Variants in CTNNA2 observed in about 807,000 individuals in gnomAD.
CTNNA2 encodes catenin alpha 2.
A neutral mutation model predicts 101.0 loss-of-function variants in CTNNA2; 42 were observed. The ratio of observed to expected loss-of-function variants is 0.42; its 90% CI spans 0.32 to 0.54. The LOEUF (loss-of-function observed/expected upper bound fraction) is 0.54. Among genes scored for constraint, CTNNA2 ranks in the 20% least tolerant of loss-of-function variants. The pLI, the probability that CTNNA2 is intolerant of heterozygous loss-of-function variation, is 0.14. For synonymous variants in CTNNA2, 450 were observed against 456.4 expected, an observed-to-expected ratio of 0.99 and a Z score of 0.18; for missense variants, 871 against 1,223.1, an observed-to-expected ratio of 0.71 and a Z score of 4.29.
At chr2:79,272,422 A>G (rs1247801141) in intron 2 of CTNNA2, among the ~76,000 whole-genome samples, 1 of 152,124 alleles carries the variant, frequency 6.6e-6, no homozygotes, top group Non-Finnish European at 1.5e-5. Context: ...TGTATAATTT[A>G]TAATTATTTT....
intron 7 of CTNNA2, among the ~76,000 whole-genome samples, chr2:80,053,947 A>G (rs1697046911): frequency 6.6e-6 from 1 of 152,252 alleles, no homozygotes; most frequent in Non-Finnish European, 1.5e-5. Flanking sequence ...CAGTATCAAT[A>G]AACAGAAATC....
intron 1 of CTNNA2, among the ~76,000 whole-genome samples, chr2:79,584,356 TGTG>T (rs1676336637): frequency 6.6e-6 from 1 of 152,068 alleles, no homozygotes; most frequent in Non-Finnish European, 1.5e-5. Context: ...AATGGGTAGT[TGTG>T]GTGATTTTTT....
chr2:80,551,520 G>T (rs148151394), intron 11 of CTNNA2, among the ~76,000 whole-genome samples: 2 of 152,308 alleles, frequency 1.3e-5, no homozygotes, highest in African/African-American at 4.8e-5. Context: ...CTTGGCACAG[G>T]TTCTATCTAC....
chr2:80,333,604 C>G (rs1445520466), intron 7 of CTNNA2, among the ~76,000 whole-genome samples: 1 of 152,158 alleles, frequency 6.6e-6, no homozygotes, highest in Non-Finnish European at 1.5e-5. Context: ...GACCAGAAAG[C>G]CAGCCACCAC....
At chr2:80,569,384 A>C (rs1248979950) in intron 12 of CTNNA2, among the ~76,000 whole-genome samples, 1 of 152,130 alleles carries the variant, frequency 6.6e-6, no homozygotes, top group East Asian at 1.9e-4. Flanking sequence ...TTCAGACATA[A>C]GCTATTAAGA....
chr2:80,367,673 T>C (rs1175260597), intron 7 of CTNNA2, among the ~76,000 whole-genome samples: 1 of 152,094 alleles, frequency 6.6e-6, no homozygotes, highest in Non-Finnish European at 1.5e-5. Context: ...TTTATAACTT[T>C]TATATCCTGC....
chr2:79,815,149 C>G (rs1225466614), intron 3 of CTNNA2, among the ~76,000 whole-genome samples: 1 of 151,926 alleles, frequency 6.6e-6, no homozygotes, highest in African/African-American at 2.4e-5. Context: ...TTGTTTGAGT[C>G]TGTTGTAGAT....
At chr2:80,310,087 C>T (rs1677408194) in intron 7 of CTNNA2, among the ~76,000 whole-genome samples, 1 of 152,106 alleles carries the variant, frequency 6.6e-6, no homozygotes, top group Admixed American at 6.5e-5. Context: ...ATTATTGGAA[C>T]ATTCACAAAT....
intron 2 of CTNNA2, among the ~76,000 whole-genome samples, chr2:79,288,425 A>G (rs768061276): frequency 3.3e-5 from 5 of 152,216 alleles, no homozygotes; most frequent in Non-Finnish European, 7.3e-5. Flanking sequence ...CAGCTTGGTA[A>G]TCTTCGCTTG....
At chr2:79,616,871 T>G (rs1678655195) in intron 1 of CTNNA2, among the ~76,000 whole-genome samples, 1 of 152,024 alleles carries the variant, frequency 6.6e-6, no homozygotes, top group Non-Finnish European at 1.5e-5. Context: ...TTTTCCCCTC[T>G]TCTTTCTCCC....
At chr2:79,190,979 T>C (rs1673862166) in intron 1 of CTNNA2, among the ~76,000 whole-genome samples, 1 of 152,196 alleles carries the variant, frequency 6.6e-6, no homozygotes, top group Non-Finnish European at 1.5e-5. Context: ...TTTCTCGCTC[T>C]CCGCAGACTG....
intron 4 of CTNNA2, chr2:79,498,949 A>C (rs1671288153): frequency 1.3e-5 from 2 of 152,218 alleles, no homozygotes; most frequent in Admixed American, 6.5e-5. Flanking sequence ...AGAACGTTCA[A>C]TTTAAGCCAA....
intron 2 of CTNNA2, among the ~76,000 whole-genome samples, chr2:79,681,156 C>T (rs545422049): frequency 2.0e-5 from 3 of 152,110 alleles, no homozygotes; most frequent in Non-Finnish European, 4.4e-5. Context: ...TCCTGTCTCA[C>T]ATACACACAC....
intron 7 of CTNNA2, among the ~76,000 whole-genome samples, chr2:80,186,493 G>A (rs754799761): frequency 1.3e-5 from 2 of 152,202 alleles, no homozygotes; most frequent in Non-Finnish European, 1.5e-5. Context: ...GTGTTTGGTG[G>A]ATTGAGTAGA....
intron 7 of CTNNA2, among the ~76,000 whole-genome samples, chr2:79,950,141 GAA>G (rs11305062): frequency 6.9e-5 from 10 of 144,398 alleles, no homozygotes; most frequent in Non-Finnish European, 1.1e-4. Context: ...CAGATTTTGT[GAA>G]AAAAAAAAAC....
At chr2:79,695,658 A>G (rs1684608375) in intron 2 of CTNNA2, among the ~76,000 whole-genome samples, 1 of 151,998 alleles carries the variant, frequency 6.6e-6, no homozygotes, top group South Asian at 2.1e-4. Context: ...TGTTCTCCAT[A>G]GACTGGCCAG....
chr2:79,729,165 C>T (rs1287522016), intron 2 of CTNNA2, among the ~76,000 whole-genome samples: 1 of 152,130 alleles, frequency 6.6e-6, no homozygotes, highest in African/African-American at 2.4e-5. Flanking sequence ...CAATTTTATA[C>T]AGCGAATAAG....
intron 7 of CTNNA2, among the ~76,000 whole-genome samples, chr2:79,982,404 C>CATATAACACAT (rs1323775791): frequency 7.1e-6 from 1 of 140,662 alleles, no homozygotes; most frequent in South Asian, 2.1e-4. Flanking sequence ...ACATATATAA[C>CATATAACACAT]ATATAACACA....
At position 80,154,762 on chromosome 2, in the gene CTNNA2, C is replaced by A. The variant is rs549235307; in HGVS notation, c.1057-238449C>A. ...TATGTGTCTCCTCCACTTATCAGCC[C>A]AGATCTCCAGGCTGGTGGAGCCTCC... On this transcript the variant is annotated intron_variant, in intron 7 of 18. Transcript: ENST00000402739. 4.2e-4 allele frequency among the ~76,000 whole-genome samples: 64 copies of A among 152,270 alleles called. 1 individual carries two copies. In the South Asian group the frequency reaches 0.013, roughly 31 times the overall value.
Sources: gnomAD v4.1 joint callset for allele counts (sites outside exome capture counted in the v4.1 genomes callset) on GRCh38, gnomAD v4.1.1 for gene constraint, MANE v1.5 for transcripts, NCBI Gene and HGNC (gene_info 2026-07-23, HGNC 2026-07-21) for gene names.